Variants in CELF4 observed in about 807,000 individuals in gnomAD.
CELF4 encodes CUG-BP- and ETR-3-like factor 4.
A neutral mutation model predicts 59.9 loss-of-function variants in CELF4; 18 were observed. The ratio of observed to expected loss-of-function variants is 0.30; its 90% CI spans 0.21 to 0.45. CELF4 has a LOEUF of 0.45. CELF4 is among the 20% of genes least tolerant of loss of function. The pLI is 1.00. For synonymous variants in CELF4, 261 were observed against 267.1 expected (o/e 0.98, Z 0.22); for missense variants, 456 against 689.0 (o/e 0.66, Z 3.79).
intron 1 of CELF4, among the ~76,000 whole-genome samples, chr18:37,553,048 G>A (rs1045906310): frequency 6.6e-6 from 1 of 152,208 alleles, no homozygotes; most frequent in Non-Finnish European, 1.5e-5. Flanking sequence ...CCCAGGCTTC[G>A]CCGTTTGTTC....
chr18:37,444,368 G>C (rs1032662496), intron 2 of CELF4, among the ~76,000 whole-genome samples: 3 of 152,100 alleles, frequency 2.0e-5, no homozygotes, highest in African/African-American at 7.2e-5. Flanking sequence ...CAGGAGCTGT[G>C]TCTGGACGCT....
chr18:37,353,812 A>G (rs2098512255), intron 2 of CELF4, among the ~76,000 whole-genome samples: 1 of 143,414 alleles, frequency 7.0e-6, no homozygotes, highest in South Asian at 2.2e-4. Flanking sequence ...GCTAGAGTGC[A>G]GTGGCGTGAT....
intron 2 of CELF4, among the ~76,000 whole-genome samples, chr18:37,405,100 C>T (rs8096147): frequency 2.7e-4 from 41 of 152,380 alleles, no homozygotes; most frequent in African/African-American, 7.7e-4. Flanking sequence ...CAACCCCCCC[C>T]GTGTCCTTTC....
At chr18:37,523,464 C>T (rs1369140428) in intron 1 of CELF4, among the ~76,000 whole-genome samples, 1 of 152,120 alleles carries the variant, frequency 6.6e-6, no homozygotes, top group Admixed American at 6.5e-5. Context: ...GAGCCACATG[C>T]CTGTAATCCT....
chr18:37,311,767 C>A (rs112954099), intron 3 of CELF4, among the ~76,000 whole-genome samples: 25 of 134,202 alleles, frequency 1.9e-4, no homozygotes, highest in Admixed American at 8.1e-4. Flanking sequence ...CCAGCCTGGG[C>A]GACAGAACCA....
rs372382156 is a variant in CELF4 at position 37,558,565 on chromosome 18, TG to T, written c.286+6790del. On this transcript the variant is annotated intron_variant, in intron 1 of 12. Transcript: ENST00000420428. The stretch of plus-strand genomic sequence containing the variant: ...CTTCAGTGAAATTGTGGGGGGCGGG[TG>T]GGGGGGGCTCTGTTCTACTCCCCTA... 1.8e-4 allele frequency among the ~76,000 whole-genome samples: 14 copies of T among 77,592 alleles called. 1 individual carries two copies. The South Asian group carries it at 5.4e-3, about 30-fold the overall frequency. 50.9% of individuals were successfully genotyped at this position (77,592 alleles called of 152,430 possible). A position where few individuals can be genotyped will look rare whatever the true frequency, so the allele number is the denominator to read the frequency against.
At chr18:37,297,298 G>C (rs1447550537) in intron 3 of CELF4, among the ~76,000 whole-genome samples, 1 of 152,204 alleles carries the variant, frequency 6.6e-6, no homozygotes, top group Admixed American at 6.5e-5. Context: ...CCCACCATTA[G>C]AGCCTCATCT....
intron 2 of CELF4, among the ~76,000 whole-genome samples, chr18:37,401,376 A>G (rs764430647): frequency 6.6e-6 from 1 of 152,164 alleles, no homozygotes; most frequent in Non-Finnish European, 1.5e-5. Flanking sequence ...TGGGCTCCTG[A>G]TGAGCAACAC....
At chr18:37,313,609 G>A (rs567738183) in intron 3 of CELF4, among the ~76,000 whole-genome samples, 1 of 152,206 alleles carries the variant, frequency 6.6e-6, no homozygotes, top group East Asian at 1.9e-4. Flanking sequence ...CTGTCCCACC[G>A]CAGCCACTGG....
intron 2 of CELF4, among the ~76,000 whole-genome samples, chr18:37,413,863 C>A (rs191207093): frequency 6.6e-6 from 1 of 152,170 alleles, no homozygotes; most frequent in Non-Finnish European, 1.5e-5. Flanking sequence ...TCTTGCCCTT[C>A]CAACCTGCTG....
chr18:37,409,160 T>C (rs2099413726), intron 2 of CELF4, among the ~76,000 whole-genome samples: 1 of 152,150 alleles, frequency 6.6e-6, no homozygotes, highest in Non-Finnish European at 1.5e-5. Flanking sequence ...TCCCTGGCGA[T>C]TTGATTTCCC....
chr18:37,408,589 G>C (rs982189736), intron 2 of CELF4, among the ~76,000 whole-genome samples: 1 of 149,470 alleles, frequency 6.7e-6, no homozygotes, highest in African/African-American at 2.5e-5. Flanking sequence ...TTCACTTTAT[G>C]ATTCTTCCCG....
intron 2 of CELF4, among the ~76,000 whole-genome samples, chr18:37,405,023 C>A (rs2099366803): frequency 6.6e-6 from 1 of 152,212 alleles, no homozygotes; most frequent in Non-Finnish European, 1.5e-5. Flanking sequence ...ACACCTGCAC[C>A]CAGCCGTTCA....
intron 12 of CELF4, among the ~76,000 whole-genome samples, chr18:37,249,158 A>C (rs1186000179): frequency 6.6e-6 from 1 of 152,024 alleles, no homozygotes; most frequent in African/African-American, 2.4e-5. Context: ...CAGATCAGGG[A>C]CCGTCCCATG....
intron 2 of CELF4, among the ~76,000 whole-genome samples, chr18:37,470,869 T>A (rs2099819341): frequency 1.6e-4 from 19 of 119,358 alleles, no homozygotes; most frequent in African/African-American, 4.8e-4. Context: ...TGTGTGTGTG[T>A]GTGTGTGTGT....
At chr18:37,251,197 TCTC>T (rs1371677691) in intron 12 of CELF4, among the ~76,000 whole-genome samples, 1 of 147,860 alleles carries the variant, frequency 6.8e-6, no homozygotes, top group Non-Finnish European at 1.5e-5. Context: ...GTAGTTAACA[TCTC>T]CTAGTTGTTA....
chr18:37,523,144 A>G (rs2099959538), intron 1 of CELF4, among the ~76,000 whole-genome samples: 1 of 152,094 alleles, frequency 6.6e-6, no homozygotes, highest in Non-Finnish European at 1.5e-5. Flanking sequence ...CTGGGCACAC[A>G]TTCACGTGGG....
chr18:37,288,413 T>G (rs1235431098), intron 3 of CELF4, among the ~76,000 whole-genome samples: 1 of 152,222 alleles, frequency 6.6e-6, no homozygotes, highest in African/African-American at 2.4e-5. Flanking sequence ...GAGAGGATGA[T>G]GGCAGCACAC....
At chr18:37,494,170 A>G (rs778470872) in intron 1 of CELF4, among the ~76,000 whole-genome samples, 2 of 152,216 alleles carry the variant, frequency 1.3e-5, no homozygotes, top group Admixed American at 1.3e-4. Context: ...CCAAGTGTCC[A>G]TCCTTTCCAG....
Sources: allele counts gnomAD v4.1 joint callset (sites outside exome capture counted in the v4.1 genomes callset), GRCh38; gene constraint gnomAD v4.1.1; transcripts MANE v1.5; gene names NCBI Gene and HGNC (gene_info 2026-07-23, HGNC 2026-07-21).